SPAG1: variants seen among roughly 807,000 people sequenced by gnomAD.
SPAG1 encodes sperm-associated antigen 1.
Under a neutral mutation model 100.5 loss-of-function variants are expected in SPAG1, and 69 were observed. The ratio of observed to expected loss-of-function variants is 0.69; its 90% CI spans 0.57 to 0.84. The LOEUF (loss-of-function observed/expected upper bound fraction) is 0.84, where lower values mean the gene tolerates loss of function less well. Among genes scored for constraint, SPAG1 ranks in the 40% least tolerant of loss-of-function variants. The pLI is 0.00. For missense variants in SPAG1, 955 were observed against 1,133.1 expected (o/e 0.84, Z 2.26); for synonymous variants, 336 against 411.6 (o/e 0.82, Z 2.22).
At chr8:100,205,575 C>T (rs986166836) in intron 10 of SPAG1, among the ~76,000 whole-genome samples, 3 of 152,136 alleles carry the variant, frequency 2.0e-5, no homozygotes, top group Non-Finnish European at 2.9e-5. Context: ...AGCTCCCTGA[C>T]TGGTAGGGTG....
At chr8:100,233,744 C>T (rs1818881524) in intron 16 of SPAG1, among the ~76,000 whole-genome samples, 1 of 152,204 alleles carries the variant, frequency 6.6e-6, no homozygotes, top group Non-Finnish European at 1.5e-5. Flanking sequence ...TCTAAGATTC[C>T]TTCCAGCTCC....
intron 10 of SPAG1, among the ~76,000 whole-genome samples, chr8:100,201,755 G>A (rs191396760): frequency 1.1e-4 from 16 of 152,142 alleles, no homozygotes; most frequent in Middle Eastern, 3.4e-3. Flanking sequence ...CCCAGAGAGG[G>A]TCCTGCCACA....
rs1200041763 is a variant in SPAG1 at position 100,179,298 on chromosome 8, G to C, written c.426+1357G>C. Among the ~76,000 whole-genome samples the C allele has an allele frequency of 4.6e-5, 7 of 152,208 alleles. No homozygotes were observed. In the South Asian group the frequency reaches 1.5e-3, roughly 32 times the overall value. On this transcript the variant is annotated intron_variant, in intron 4 of 18. Coordinates refer to ENST00000388798, the MANE Select transcript of SPAG1 (RefSeq NM_003114.5). Reference sequence around the variant, plus strand: ...TTTGGAAGGCTGAGGCAGGAGAATCGCTTGAACCTGGGAGGCAGAGGTTGC... The same window carrying C: ...TTTGGAAGGCTGAGGCAGGAGAATCCCTTGAACCTGGGAGGCAGAGGTTGC...
At chr8:100,167,583 G>A (rs1815618424) in intron 3 of SPAG1, among the ~76,000 whole-genome samples, 1 of 152,144 alleles carries the variant, frequency 6.6e-6, no homozygotes, top group Non-Finnish European at 1.5e-5. Flanking sequence ...ATAAGGGGAG[G>A]ACTATTGTAG....
intron 8 of SPAG1, among the ~76,000 whole-genome samples, chr8:100,188,019 ATTG>A (rs946319033): frequency 2.0e-5 from 3 of 151,912 alleles, no homozygotes; most frequent in African/African-American, 7.3e-5. Flanking sequence ...CGCCTGACTA[ATTG>A]TTGTATTTTT....
chr8:100,220,890 T>C (rs1380983854), intron 13 of SPAG1, among the ~76,000 whole-genome samples: 1 of 152,058 alleles, frequency 6.6e-6, no homozygotes, highest in Non-Finnish European at 1.5e-5. Flanking sequence ...CTGGCCAACA[T>C]GGCGAAACCC....
At chr8:100,214,637 A>G (rs1290504777) in intron 12 of SPAG1, among the ~76,000 whole-genome samples, 1 of 152,100 alleles carries the variant, frequency 6.6e-6, no homozygotes, top group Non-Finnish European at 1.5e-5. Flanking sequence ...TAATCACTGT[A>G]CATATTTATG....
chr8:100,170,935 C>T (rs1432188813), intron 3 of SPAG1, among the ~76,000 whole-genome samples: 2 of 151,978 alleles, frequency 1.3e-5, no homozygotes, highest in South Asian at 4.1e-4. Flanking sequence ...CCCAGTCTTA[C>T]AGGGAAATCG....
chr8:100,187,353 C>A, intron 8 of SPAG1, 103 bp downstream of exon 8: 1 of 979,286 alleles, frequency 1.0e-6, no homozygotes, highest in Non-Finnish European at 1.4e-6. Flanking sequence ...TTCAGATAAA[C>A]TCAAATTTCT....
chr8:100,232,453 A>G (rs558062815), intron 15 of SPAG1, among the ~76,000 whole-genome samples: 74 of 152,254 alleles, frequency 4.9e-4, no homozygotes, highest in African/African-American at 1.7e-3. Context: ...TCTGAGCTCC[A>G]GACTGAAGCG....
chr8:100,222,991 T>C (rs1818351239), intron 13 of SPAG1, among the ~76,000 whole-genome samples: 1 of 152,244 alleles, frequency 6.6e-6, no homozygotes. Flanking sequence ...TTATCTGTTC[T>C]GATGTTTTAT....
intron 14 of SPAG1, among the ~76,000 whole-genome samples, chr8:100,228,679 C>T (rs1359052584): frequency 6.6e-6 from 1 of 151,922 alleles, no homozygotes; most frequent in Admixed American, 6.6e-5. Context: ...CACCACTGCA[C>T]TCTAGCCTGG....
chr8:100,194,413 C>A, intron 10 of SPAG1, 145 bp downstream of exon 10: 1 of 1,169,458 alleles, frequency 8.6e-7, no homozygotes, highest in Non-Finnish European at 1.2e-6. Flanking sequence ...TTTCGCTCAT[C>A]TTTTTCTTAA....
chr8:100,192,947 A>G (rs892233540), intron 9 of SPAG1, among the ~76,000 whole-genome samples: 3 of 152,200 alleles, frequency 2.0e-5, no homozygotes, highest in African/African-American at 7.2e-5. Flanking sequence ...TATCTTAACC[A>G]TATGCAAAGA....
intron 14 of SPAG1, among the ~76,000 whole-genome samples, chr8:100,229,139 G>A (rs545207358): frequency 6.6e-6 from 1 of 152,194 alleles, no homozygotes; most frequent in South Asian, 2.1e-4. Context: ...CGGGCGTGGT[G>A]GCTCACGCCT....
intron 3 of SPAG1, among the ~76,000 whole-genome samples, chr8:100,174,509 C>T (rs946915878): frequency 1.1e-4 from 16 of 152,116 alleles, no homozygotes; most frequent in African/African-American, 3.9e-4. Context: ...TTATAGAAAT[C>T]AATCATAATT....
Position 100,240,498 on chromosome 8 carries a change from A to T in SPAG1, c.2376A>T (p.Pro792=). 1 of 1,614,188 alleles carries T rather than the reference A, an allele frequency of 6.2e-7. No homozygotes were observed. The highest frequency in any genetic ancestry group is 1.1e-5 in the South Asian group (1 of 91,086). ...SEKGGKSSRS[P]EDPEKLPIAK... Reference sequence around the variant, plus strand: ...AGGGAGGCAAAAGCAGCAGGTCACCAGAAGACCCTGAGAAACTTCCGATAG... The same window carrying T: ...AGGGAGGCAAAAGCAGCAGGTCACCTGAAGACCCTGAGAAACTTCCGATAG... The change falls in exon 18 of 19, where the codon CCA becomes CCT. Residue 792 remains proline (P), a synonymous_variant. Coordinates refer to ENST00000388798, the MANE Select transcript of SPAG1 (RefSeq NM_003114.5).
intron 16 of SPAG1, among the ~76,000 whole-genome samples, chr8:100,234,469 C>T (rs907402046): frequency 1.3e-5 from 2 of 152,150 alleles, no homozygotes. Flanking sequence ...ATTTCTATCA[C>T]TATAGATTAG....
At chr8:100,159,037 T>A (rs996940565) in intron 1 of SPAG1, 5 of 152,112 alleles carry the variant, frequency 3.3e-5, no homozygotes, top group African/African-American at 7.2e-5. Context: ...TTCATTTGAT[T>A]AGGTAAGAGA....
Sources: allele counts gnomAD v4.1 joint callset (sites outside exome capture counted in the v4.1 genomes callset), GRCh38; gene constraint gnomAD v4.1.1; transcripts MANE v1.5; gene names NCBI Gene and HGNC (gene_info 2026-07-23, HGNC 2026-07-21).